Variants in CD22 observed in about 807,000 individuals in gnomAD.
CD22 encodes the protein B-cell receptor CD22.
Under a neutral mutation model 94.7 loss-of-function variants are expected in CD22, and 51 were observed. The ratio of observed to expected loss-of-function variants is 0.54; its 90% CI spans 0.43 to 0.68. The LOEUF is 0.68. Ranked by LOEUF, CD22 falls within the 30% of genes least tolerant of loss-of-function variation. The pLI, the probability that CD22 is intolerant of heterozygous loss-of-function variation, is 0.00. For synonymous variants in CD22, 424 were observed against 422.5 expected, an observed-to-expected ratio of 1.00 and a Z score of -0.04; for missense variants, 931 against 1,060.4, an observed-to-expected ratio of 0.88 and a Z score of 1.69.
At position 35,346,651 on chromosome 19, in the gene CD22, G is replaced by A. The variant is rs571005886; in HGVS notation, c.2498G>A (p.Arg833Gln). 5.2e-5 allele frequency: 84 copies of A among 1,608,746 alleles called. 1 individual carries two copies. Among genetic ancestry groups the A allele is most frequent in the South Asian group, 4.2e-4 (38 of 89,958 alleles). ...CTGATCCAGTTTGGGGTCGGGGAGC[G>A]GCCTCAGGCACAAGAAAATGTGGAC... is the stretch of plus-strand genomic sequence containing the variant. ...SELIQFGVGE[R>Q]PQAQENVDYV... The change falls in exon 14 of 14, where the codon CGG (arginine) becomes CAG (glutamine). Residue 833 changes from arginine (R) to glutamine (Q), a missense_variant. Coordinates refer to ENST00000085219, the MANE Select transcript of CD22 (RefSeq NM_001771.4).
chr19:35,342,176 C>G (rs115208374), intron 9 of CD22, among the ~76,000 whole-genome samples: 41 of 150,976 alleles, frequency 2.7e-4, no homozygotes, highest in Non-Finnish European at 5.2e-4. Context: ...CTTCCTTCTT[C>G]TTCTTCTTAT....
intron 9 of CD22, 101 bp from the exon 10 acceptor site, chr19:35,344,728 C>A (rs114447586): frequency 3.7e-6 from 3 of 820,604 alleles, no homozygotes; most frequent in Non-Finnish European, 6.0e-6. Context: ...GGGAGAAGGA[C>A]GAGTCTGGCT....
rs1246698326 is a variant in CD22 at position 35,339,759 on chromosome 19, G to A, written c.1250-1122G>A. On this transcript the variant is annotated intron_variant, in intron 6 of 13. Coordinates refer to ENST00000085219, the MANE Select transcript of CD22 (RefSeq NM_001771.4). Reference sequence around the variant, plus strand: ...GAAATCCACCTACCTGGGAGGCTGAGGCAGGAGAATCGCTTGAACCCAGGA... The same window carrying A: ...GAAATCCACCTACCTGGGAGGCTGAAGCAGGAGAATCGCTTGAACCCAGGA... Among the ~76,000 whole-genome samples the A allele has an allele frequency of 3.9e-5, 6 of 152,128 alleles. No individual in the cohort carries two copies. In the East Asian group the frequency reaches 1.2e-3, roughly 29 times the overall value.
rs2066896497 is a variant in CD22 at position 35,345,724 on chromosome 19, C to G, written c.2327+4C>G. 6.3e-7 allele frequency: 1 copy of G among 1,582,548 alleles called. No homozygotes were observed. Among genetic ancestry groups the G allele is most frequent in the Non-Finnish European group, 8.7e-7 (1 of 1,151,280 alleles). On this transcript the variant is annotated splice_donor_region_variant and intron_variant, in intron 12 of 13. Transcript: ENST00000085219. ...AGATGAACATACCACGAACTGGGTA[C>G]TGAGGGTACCAGGAGGGTGACCCTG...
At chr19:35,344,756 A>T in intron 9 of CD22, 73 bp from the exon 10 acceptor site, 3 of 1,103,166 alleles carry the variant, frequency 2.7e-6, no homozygotes, top group Non-Finnish European at 2.7e-6. Context: ...GAAGTCCAGG[A>T]TGCCTTCCAG....
rs375363540 is a variant in CD22, at chr19:35,329,582, C to T, written c.-23+352C>T. On this transcript the variant is annotated intron_variant, in intron 1 of 13. Coordinates refer to ENST00000085219, the MANE Select transcript of CD22 (RefSeq NM_001771.4). ...CATAATAACTGCTGTCCCTAACCTC[C>T]ACCCCACCCTCAGCCTTCCAATTCC... The T allele has an allele frequency of 1.4e-5, 3 of 215,100 alleles. No individual in the cohort carries two copies. The East Asian group carries it at 2.8e-4, about 20-fold the overall frequency. The allele number at this position is 215,100 out of a possible 1,614,324, so 13.3% of individuals were successfully genotyped here. A position where few individuals can be genotyped will look rare whatever the true frequency, so the allele number is the denominator to read the frequency against.
intron 1 of CD22, chr19:35,331,794 C>A: frequency 1.3e-6 from 1 of 762,648 alleles, no homozygotes; most frequent in Non-Finnish European, 1.9e-6. Flanking sequence ...TTGCAGTGAG[C>A]GGAGATCACA....
chr19:35,344,904 G>C lies in CD22; in HGVS notation c.2111G>C (p.Cys704Ser), dbSNP rs144772029. ...SCLAILILAICGLKLQRRWKR... is the reference protein window; with the variant it reads ...SCLAILILAISGLKLQRRWKR... The stretch of plus-strand genomic sequence containing the variant: ...CTCGCCATCCTCATCCTGGCAATCT[G>C]TGGGCTCAAGCTCCAGCGACGGTGA... The change falls in exon 10 of 14, where the codon TGT becomes TCT. Residue 704 changes from cysteine to serine, a missense_variant. Physicochemically the swap from Cys to Ser is moderately radical, Grantham distance 112 (BLOSUM62 -1). Coordinates refer to ENST00000085219, the MANE Select transcript of CD22 (RefSeq NM_001771.4). 6.2e-7 allele frequency: 1 copy of C among 1,614,040 alleles called. No individual in the cohort carries two copies. The highest frequency in any genetic ancestry group is 2.2e-5 in the East Asian group (1 of 44,868).
At chr19:35,335,027 G>A (rs911146968) in intron 3 of CD22, among the ~76,000 whole-genome samples, 1 of 139,758 alleles carries the variant, frequency 7.2e-6, no homozygotes, top group African/African-American at 2.7e-5. Flanking sequence ...GCAGTGAGCT[G>A]AGATCACGCC....
At chr19:35,335,162 A>G (rs796278741) in intron 3 of CD22, among the ~76,000 whole-genome samples, 10 of 151,830 alleles carry the variant, frequency 6.6e-5, no homozygotes, top group African/African-American at 2.2e-4. Flanking sequence ...TCCGGCAATG[A>G]GCATGAAAGA....
At chr19:35,336,648 G>A (rs1459664314) in intron 4 of CD22, 7 of 387,282 alleles carry the variant, frequency 1.8e-5, no homozygotes, top group Admixed American at 8.3e-5. Context: ...CAATAAATAC[G>A]TATCATGAAC....
intron 6 of CD22, among the ~76,000 whole-genome samples, chr19:35,339,634 T>C (rs926526026): frequency 2.0e-5 from 3 of 152,142 alleles, no homozygotes; most frequent in Non-Finnish European, 4.4e-5. Context: ...GGTGGGCAGA[T>C]CACCTGAGGT....
intron 1 of CD22, chr19:35,331,133 G>C (rs2066639749): frequency 1.3e-5 from 2 of 152,152 alleles, no homozygotes; most frequent in Admixed American, 1.3e-4. Context: ...ATGTTGGCCA[G>C]GCTGGTCTTG....
intron 9 of CD22, 56 bp downstream of exon 9, chr19:35,342,021 C>CCTTT (rs1356164871): frequency 6.0e-6 from 4 of 661,964 alleles, no homozygotes; most frequent in African/African-American, 5.6e-5. Context: ...TTCCTTCCTT[C>CCTTT]CTTCCTTCCT....
chr19:35,345,051 T>G lies in CD22; in HGVS notation c.2133T>G (p.Arg711=). The change falls in exon 11 of 14, where the codon CGT becomes CGG. Residue 711 remains arginine (R), a splice_region_variant and synonymous_variant. Transcript: ENST00000085219. The part of the protein sequence containing the change: ...LAICGLKLQR[R]WKRTQSQQGL... ...TCACACATGTGCCTTTATTTCTCAG[T>G]TGGAAGAGGACACAGAGCCAGCAGG... 1.9e-6 allele frequency: 3 copies of G among 1,613,790 alleles called. No individual in the cohort carries two copies. The highest frequency in any genetic ancestry group is 2.5e-6 in the Non-Finnish European group (3 of 1,179,816).
intron 11 of CD22, 90 bp from the exon 12 acceptor site, chr19:35,345,512 C>T: frequency 1.3e-6 from 1 of 772,638 alleles, no homozygotes; most frequent in South Asian, 1.6e-5. Flanking sequence ...ATAAAATGTC[C>T]TCTGAGGAGA....
chr19:35,342,041 C>CCTTA (rs2066820674), intron 9 of CD22, 76 bp downstream of exon 9: 1 of 949,354 alleles, frequency 1.1e-6, no homozygotes, highest in Non-Finnish European at 1.5e-6. Flanking sequence ...TTCCTTCCTT[C>CCTTA]CTTCCTTCCT....
chr19:35,340,376 G>A (rs1326673642), intron 6 of CD22, among the ~76,000 whole-genome samples: 2 of 152,034 alleles, frequency 1.3e-5, no homozygotes, highest in African/African-American at 4.8e-5. Context: ...TCCACCTCCC[G>A]GGTTCAAGCG....
intron 6 of CD22, among the ~76,000 whole-genome samples, chr19:35,339,077 AAT>A (rs1251617309): frequency 6.6e-6 from 1 of 152,062 alleles, no homozygotes; most frequent in East Asian, 2.0e-4. Context: ...TCTACAAAAA[AAT>A]ACAAAAATTA....
Sources: allele counts gnomAD v4.1 joint callset (sites outside exome capture counted in the v4.1 genomes callset), GRCh38; gene constraint gnomAD v4.1.1; transcripts MANE v1.5; gene names NCBI Gene and HGNC (gene_info 2026-07-23, HGNC 2026-07-21).